ATRX: variants seen among roughly 807,000 people sequenced by gnomAD.
ATRX encodes the protein ATRX chromatin remodeler.
ATRX carries 12 observed loss-of-function variants against 172.6 expected under a neutral mutation model. The observed-to-expected ratio is 0.07, with a 90% CI of 0.04 to 0.11. ATRX has a LOEUF of 0.11. Among genes scored for constraint, ATRX ranks in the 10% least tolerant of loss-of-function variants. ATRX has a pLI of 1.00. For synonymous variants in ATRX, 674 were observed against 594.7 expected, an observed-to-expected ratio of 1.13 and a Z score of -1.94; for missense variants, 1,368 against 1,767.4, an observed-to-expected ratio of 0.77 and a Z score of 4.05.
chrX:77,578,037 G>A (rs1557071584), intron 27 of ATRX, among the ~76,000 whole-genome samples: 1 of 111,463 alleles, frequency 9.0e-6, no homozygotes, highest in Admixed American at 9.5e-5. Context: ...GTGCACTTGC[G>A]GGAAGGAGAG....
intron 1 of ATRX, among the ~76,000 whole-genome samples, chrX:77,731,088 AAAAAAAAAAAG>A (rs1375224323): frequency 1.8e-5 from 2 of 109,305 alleles, no homozygotes; most frequent in Non-Finnish European, 3.8e-5. Flanking sequence ...GCCAGAGTAA[AAAAAAAAAAAG>A]AAAAAAAAAA....
intron 24 of ATRX, 36 bp from the exon 25 acceptor site, chrX:77,599,616 T>C (rs371569941): frequency 1.5e-4 from 176 of 1,200,698 alleles, no homozygotes; most frequent in Non-Finnish European, 1.9e-4. Context: ...AAAAAACACA[T>C]TCAGATTGTT....
intron 22 of ATRX, among the ~76,000 whole-genome samples, chrX:77,604,079 T>C (rs1430661963): frequency 8.9e-6 from 1 of 111,790 alleles, no homozygotes; most frequent in Admixed American, 9.5e-5. Context: ...CTGGAGAAAA[T>C]CATTCTGGAC....
chrX:77,605,774 TAAAAGTAG>T (rs2066882055), intron 22 of ATRX, among the ~76,000 whole-genome samples: 1 of 111,304 alleles, frequency 9.0e-6, no homozygotes, highest in Non-Finnish European at 1.9e-5. Context: ...TCAAAAAGTT[TAAAAGTAG>T]AAAAGTAGAA....
At chrX:77,761,649 C>G (rs2075720474) in intron 1 of ATRX, among the ~76,000 whole-genome samples, 1 of 111,519 alleles carries the variant, frequency 9.0e-6, no homozygotes, top group African/African-American at 3.3e-5. Flanking sequence ...TTATCTTTTT[C>G]TGTGTGTGCT....
intron 1 of ATRX, among the ~76,000 whole-genome samples, chrX:77,778,172 C>T (rs1227087147): frequency 1.9e-5 from 2 of 107,090 alleles, no homozygotes; most frequent in African/African-American, 6.8e-5. Flanking sequence ...CAATTCTGAA[C>T]TAAAATTATC....
In ATRX at chrX:77,659,482, T is replaced by TCTAC. The variant is rs370131648; in HGVS notation, c.4121-2830_4121-2829insGTAG. Among the ~76,000 whole-genome samples, 3 of 88,467 alleles carry TCTAC rather than the reference T, an allele frequency of 3.4e-5. No individual in the cohort carries two copies. The Admixed American group carries it at 4.0e-4, about 12-fold the overall frequency. 76.8% of individuals were successfully genotyped at this position (88,467 alleles called of 115,157 possible). On this transcript the variant is annotated intron_variant, in intron 12 of 34. Coordinates refer to ENST00000373344, the MANE Select transcript of ATRX (RefSeq NM_000489.6). ...CATTTGCTTTTTTTCTTTCTCTCTC[T>TCTAC]ACACACACACACACACACACACACA... is the stretch of plus-strand genomic sequence containing the variant.
At chrX:77,650,057 T>C (rs1317995483) in intron 15 of ATRX, among the ~76,000 whole-genome samples, 1 of 112,484 alleles carries the variant, frequency 8.9e-6, no homozygotes, top group Admixed American at 9.4e-5. Flanking sequence ...TGTTAAGATG[T>C]CTTCTGGCCA....
chrX:77,512,908 C>A (rs1889967048), intron 34 of ATRX, among the ~76,000 whole-genome samples: 1 of 110,822 alleles, frequency 9.0e-6, no homozygotes, highest in African/African-American at 3.3e-5. Context: ...CATACAACCA[C>A]AGAAAATTGC....
chrX:77,595,826 C>T (rs926795911), intron 25 of ATRX: 3 of 111,459 alleles, frequency 2.7e-5, no homozygotes, highest in African/African-American at 9.8e-5. Context: ...ACTAATATTA[C>T]GGCTCTACAT....
intron 1 of ATRX, among the ~76,000 whole-genome samples, chrX:77,780,612 G>A (rs1404816705): frequency 9.1e-6 from 1 of 109,350 alleles, no homozygotes; most frequent in African/African-American, 3.3e-5. Flanking sequence ...ACAGGCGTGA[G>A]CCACTGCACG....
chrX:77,624,113 TCCCA>T (rs2067711868), intron 19 of ATRX, among the ~76,000 whole-genome samples: 1 of 111,660 alleles, frequency 9.0e-6, no homozygotes, highest in Non-Finnish European at 1.9e-5. Flanking sequence ...ACGCCTGTAA[TCCCA>T]GCACTTTGGG....
At chrX:77,581,820 T>A (rs1486962974) in intron 27 of ATRX, among the ~76,000 whole-genome samples, 2 of 111,832 alleles carry the variant, frequency 1.8e-5, no homozygotes, top group African/African-American at 6.5e-5. Flanking sequence ...TGAAATAATA[T>A]CAAGTATCTT....
chrX:77,674,551 G>C (rs369230187), intron 10 of ATRX: 3 of 110,987 alleles, frequency 2.7e-5, no homozygotes, highest in African/African-American at 9.8e-5. Flanking sequence ...CTTAAAAGTT[G>C]AAAATGATAT....
At chrX:77,560,962 T>A (rs1161030420) in intron 28 of ATRX, among the ~76,000 whole-genome samples, 1 of 111,181 alleles carries the variant, frequency 9.0e-6, no homozygotes, top group Non-Finnish European at 1.9e-5. Context: ...CCATTAAAAA[T>A]CCAAAATACT....
In ATRX at chrX:77,505,584, C is replaced by T; in HGVS notation, c.*2767G>A. On this transcript the variant is annotated 3_prime_UTR_variant, in exon 35 of 35. Coordinates refer to ENST00000373344, the MANE Select transcript of ATRX (RefSeq NM_000489.6). ...CAGATTCAATAACCAAACTTCGTGA[C>T]CTCTCAATATTAAATAACTAAATGT... 1 of 173,982 alleles carries T rather than the reference C, an allele frequency of 5.7e-6. No individual in the cohort carries two copies. Among genetic ancestry groups the T allele is most frequent in the East Asian group, 8.2e-5 (1 of 12,229 alleles). The allele number at this position is 173,982 out of a possible 1,213,427, so 14.3% of individuals were successfully genotyped here.
At chrX:77,577,992 C>A (rs1350182245) in intron 27 of ATRX, among the ~76,000 whole-genome samples, 1 of 111,585 alleles carries the variant, frequency 9.0e-6, no homozygotes, top group Non-Finnish European at 1.9e-5. Flanking sequence ...TACCTCAACC[C>A]CCAGAAGTGG....
intron 30 of ATRX, among the ~76,000 whole-genome samples, chrX:77,551,236 CA>C (rs2064496399): frequency 8.9e-6 from 1 of 111,805 alleles, no homozygotes; most frequent in Non-Finnish European, 1.9e-5. Flanking sequence ...CTATAGTAAC[CA>C]AAACAGCATG....
At chrX:77,721,478 C>T (rs1312877115) in intron 1 of ATRX, among the ~76,000 whole-genome samples, 1 of 112,090 alleles carries the variant, frequency 8.9e-6, no homozygotes, top group Non-Finnish European at 1.9e-5. Context: ...TCAGCGAAGT[C>T]TCAGGATACA....
Sources: gnomAD v4.1 joint callset for allele counts (sites outside exome capture counted in the v4.1 genomes callset) on GRCh38, gnomAD v4.1.1 for gene constraint, MANE v1.5 for transcripts, NCBI Gene and HGNC (gene_info 2026-07-23, HGNC 2026-07-21) for gene names.